Variants in KCNQ3 observed in about 807,000 individuals in gnomAD.
The protein encoded by KCNQ3 is potassium voltage-gated channel subfamily KQT member 3.
Under a neutral mutation model 92.5 loss-of-function variants are expected in KCNQ3, and 30 were observed. That is an observed-to-expected ratio of 0.32 (90% CI 0.24 to 0.44). KCNQ3 has a LOEUF of 0.44. Among genes scored for constraint, KCNQ3 ranks in the 20% least tolerant of loss-of-function variants. KCNQ3 has a pLI of 1.00. For synonymous variants in KCNQ3, 450 were observed against 468.8 expected, an observed-to-expected ratio of 0.96 and a Z score of 0.52; for missense variants, 913 against 1,140.3, an observed-to-expected ratio of 0.80 and a Z score of 2.87.
At chr8:132,211,734 C>T (rs554962910) in intron 1 of KCNQ3, among the ~76,000 whole-genome samples, 21 of 152,126 alleles carry the variant, frequency 1.4e-4, no homozygotes, top group Non-Finnish European at 2.4e-4. Flanking sequence ...GGGTGGATCA[C>T]GAGGTCAGGC....
intron 1 of KCNQ3, among the ~76,000 whole-genome samples, chr8:132,247,576 C>T (rs1815221955): frequency 6.6e-6 from 1 of 151,980 alleles, no homozygotes; most frequent in South Asian, 2.1e-4. Context: ...CACCTGAGGT[C>T]AGGAGTTTGA....
rs931833344 is a variant in KCNQ3, at chr8:132,123,893, C to T, written c.*5369G>A. 4 of 152,158 alleles carry T rather than the reference C, an allele frequency of 2.6e-5. No homozygotes were observed. Among genetic ancestry groups the T allele is most frequent in the Non-Finnish European group, 5.9e-5 (4 of 68,034 alleles). 9.4% of individuals were successfully genotyped at this position (152,158 alleles called of 1,614,324 possible). ...GCCGTGAAAGCCTGGGAACAAATCTCCCCAGGGAAGGTTTAAGCAAGCATT... is the reference window on the plus strand; with the variant it reads ...GCCGTGAAAGCCTGGGAACAAATCTTCCCAGGGAAGGTTTAAGCAAGCATT... On this transcript the variant is annotated 3_prime_UTR_variant, in exon 15 of 15. Transcript: ENST00000388996.
chr8:132,455,827 C>T (rs774671287), intron 1 of KCNQ3, among the ~76,000 whole-genome samples: 2 of 152,142 alleles, frequency 1.3e-5, no homozygotes, highest in African/African-American at 4.8e-5. Flanking sequence ...CTGCAAGCTC[C>T]GCCTCCCGAG....
chr8:132,187,810 G>A lies in KCNQ3; in HGVS notation c.387-1629C>T, dbSNP rs1301342185. 1.1e-3 allele frequency among the ~76,000 whole-genome samples: 151 copies of A among 143,066 alleles called. 3 individuals carry two copies. The highest frequency in any genetic ancestry group is 1.4e-3 in the Non-Finnish European group (92 of 65,668). The allele number at this position is 143,066 out of a possible 152,430, so 93.9% of individuals were successfully genotyped here. ...GGTGGCGGTGGTGGTGATAGTGATG[G>A]TGGTGGTGGTGGTGGTGGTGATTGT... On this transcript the variant is annotated intron_variant, in intron 1 of 14. Coordinates refer to ENST00000388996, the MANE Select transcript of KCNQ3 (RefSeq NM_004519.4).
intron 1 of KCNQ3, among the ~76,000 whole-genome samples, chr8:132,304,645 T>C (rs999886669): frequency 2.6e-5 from 4 of 152,166 alleles, no homozygotes; most frequent in Non-Finnish European, 4.4e-5. Context: ...TGGCCACATG[T>C]CCCAAGTAGG....
intron 1 of KCNQ3, among the ~76,000 whole-genome samples, chr8:132,403,507 T>C (rs544640879): frequency 1.1e-4 from 16 of 152,336 alleles, no homozygotes. Context: ...TTAAGCAGCA[T>C]GCAGACCCAG....
chr8:132,160,598 T>C (rs915784893), intron 9 of KCNQ3, among the ~76,000 whole-genome samples: 3 of 151,514 alleles, frequency 2.0e-5, no homozygotes, highest in Non-Finnish European at 4.4e-5. Context: ...AGAACCTTAT[T>C]ATATTTGTAT....
intron 1 of KCNQ3, among the ~76,000 whole-genome samples, chr8:132,301,978 A>C (rs1182984417): frequency 1.3e-5 from 2 of 152,216 alleles, no homozygotes; most frequent in Non-Finnish European, 2.9e-5. Context: ...AGGAGACCAA[A>C]GGAAGGACAA....
chr8:132,471,563 T>G (rs1358099227), intron 1 of KCNQ3, among the ~76,000 whole-genome samples: 2 of 152,272 alleles, frequency 1.3e-5, no homozygotes, highest in South Asian at 4.1e-4. Flanking sequence ...TCAATTAAAT[T>G]TCACAACAAT....
intron 1 of KCNQ3, among the ~76,000 whole-genome samples, chr8:132,468,642 A>G (rs1436619775): frequency 2.0e-5 from 3 of 152,256 alleles, no homozygotes; most frequent in East Asian, 1.9e-4. Context: ...GAAATGATGT[A>G]AAAGCATTAG....
At chr8:132,350,269 G>A (rs1393194087) in intron 1 of KCNQ3, among the ~76,000 whole-genome samples, 3 of 152,214 alleles carry the variant, frequency 2.0e-5, no homozygotes, top group African/African-American at 7.2e-5. Context: ...AAATGTCCGG[G>A]TTTCAGATTC....
At chr8:132,307,903 T>C (rs1817477178) in intron 1 of KCNQ3, among the ~76,000 whole-genome samples, 1 of 152,134 alleles carries the variant, frequency 6.6e-6, no homozygotes, top group Non-Finnish European at 1.5e-5. Flanking sequence ...TTCCATAGGG[T>C]TCTCTTTATG....
At chr8:132,452,182 C>T (rs1821835943) in intron 1 of KCNQ3, among the ~76,000 whole-genome samples, 1 of 152,142 alleles carries the variant, frequency 6.6e-6, no homozygotes, top group Admixed American at 6.5e-5. Flanking sequence ...TCACCTCTAT[C>T]CACCTCCCAA....
intron 1 of KCNQ3, among the ~76,000 whole-genome samples, chr8:132,314,430 C>T (rs1240063601): frequency 1.3e-5 from 2 of 152,094 alleles, no homozygotes; most frequent in Non-Finnish European, 2.9e-5. Context: ...TAATTCCTAA[C>T]AAAACCCAAA....
intron 1 of KCNQ3, among the ~76,000 whole-genome samples, chr8:132,233,220 G>T (rs887251183): frequency 2.0e-5 from 3 of 152,174 alleles, no homozygotes; most frequent in African/African-American, 7.2e-5. Flanking sequence ...AAACTGTTAG[G>T]CATGAAAAAC....
chr8:132,193,978 C>T (rs1827234507), intron 1 of KCNQ3, among the ~76,000 whole-genome samples: 2 of 152,158 alleles, frequency 1.3e-5, no homozygotes, highest in South Asian at 4.1e-4. Flanking sequence ...TGGAGTCTGA[C>T]ATTTGGCAGA....
At chr8:132,256,952 A>G (rs1273566565) in intron 1 of KCNQ3, among the ~76,000 whole-genome samples, 1 of 152,332 alleles carries the variant, frequency 6.6e-6, no homozygotes, top group East Asian at 1.9e-4. Flanking sequence ...AGGTAACTAC[A>G]TAGTTTACAT....
At chr8:132,231,051 A>G (rs1814630212) in intron 1 of KCNQ3, among the ~76,000 whole-genome samples, 1 of 152,210 alleles carries the variant, frequency 6.6e-6, no homozygotes, top group African/African-American at 2.4e-5. Context: ...AGGGAAGATT[A>G]TATGAAGACA....
intron 1 of KCNQ3, among the ~76,000 whole-genome samples, chr8:132,226,718 G>A (rs1281909368): frequency 3.9e-5 from 6 of 152,166 alleles, no homozygotes; most frequent in South Asian, 2.1e-4. Context: ...AGCTCCTGGA[G>A]CTGAAGTCTG....
Sources: allele counts gnomAD v4.1 joint callset (sites outside exome capture counted in the v4.1 genomes callset), GRCh38; gene constraint gnomAD v4.1.1; transcripts MANE v1.5; gene names NCBI Gene and HGNC (gene_info 2026-07-23, HGNC 2026-07-21).